Variants in TTC28 observed in about 807,000 individuals in gnomAD.
TTC28 encodes tetratricopeptide repeat protein 28.
A neutral mutation model predicts 198.0 loss-of-function variants in TTC28; 61 were observed. The observed-to-expected ratio is 0.31, with a 90% confidence interval of 0.25 to 0.38. The LOEUF is 0.38. Among genes scored for constraint, TTC28 ranks in the 10% least tolerant of loss-of-function variants. The pLI is 1.00. For synonymous variants in TTC28, 1,171 were observed against 1,297.8 expected, an observed-to-expected ratio of 0.90 and a Z score of 2.10; for missense variants, 2,678 against 3,164.0, an observed-to-expected ratio of 0.85 and a Z score of 3.69.
At chr22:28,559,694 T>C (rs2049840255) in intron 2 of TTC28, among the ~76,000 whole-genome samples, 1 of 152,204 alleles carries the variant, frequency 6.6e-6, no homozygotes, top group Admixed American at 6.5e-5. Context: ...TCTCCTTCAC[T>C]TAGCTTCTAG....
intron 5 of TTC28, among the ~76,000 whole-genome samples, chr22:28,209,347 A>C (rs1926698131): frequency 6.6e-6 from 1 of 152,192 alleles, no homozygotes; most frequent in Admixed American, 6.5e-5. Flanking sequence ...GCATCGCCTC[A>C]CCCAGGAAGC....
intron 1 of TTC28, among the ~76,000 whole-genome samples, chr22:28,635,239 T>C (rs1393620111): frequency 6.6e-6 from 1 of 152,130 alleles, no homozygotes; most frequent in Admixed American, 6.6e-5. Context: ...GAGAATGGCA[T>C]GAACCCGGGA....
At chr22:28,179,165 GTT>G (rs71316832) in intron 5 of TTC28, among the ~76,000 whole-genome samples, 2 of 140,952 alleles carry the variant, frequency 1.4e-5, no homozygotes, top group Non-Finnish European at 1.6e-5. Flanking sequence ...TTTTTGTTTT[GTT>G]TTTTTTTTTT....
At chr22:28,621,856 A>C (rs1026156931) in intron 2 of TTC28, among the ~76,000 whole-genome samples, 1 of 152,188 alleles carries the variant, frequency 6.6e-6, no homozygotes, top group Non-Finnish European at 1.5e-5. Flanking sequence ...AAATATCTTA[A>C]ATGTATGAGA....
chr22:28,110,928 C>T (rs1942463354), intron 6 of TTC28, among the ~76,000 whole-genome samples: 3 of 147,360 alleles, frequency 2.0e-5, no homozygotes, highest in Admixed American at 2.0e-4. Flanking sequence ...GAGTGAGACC[C>T]TGCCTTTAAA....
chr22:27,989,922 T>C lies in TTC28; in HGVS notation c.5663A>G (p.Gln1888Arg), dbSNP rs1937338421. The change falls in exon 21 of 23, where the codon CAG (glutamine) becomes CGG (arginine). Residue 1888 changes from glutamine to arginine, a missense_variant. Physicochemically the swap from Gln to Arg is conservative, Grantham distance 43. Around this residue, in one of 8 missense-constraint regions of TTC28, gnomAD observed 314 missense variants for 442.7 expected, o/e 0.71. Coordinates refer to ENST00000397906, the MANE Select transcript of TTC28 (RefSeq NM_001145418.2). ...SAPIQVSISVQLWRLPGCHEF... is the reference protein window; with the variant it reads ...SAPIQVSISVRLWRLPGCHEF... ...GTGGCATCCCGGGAGCCGCCACAGCTGGACGCTGATGGAGACCTGAATGGG... is the reference window on the plus strand; with the variant it reads ...GTGGCATCCCGGGAGCCGCCACAGCCGGACGCTGATGGAGACCTGAATGGG... The C allele has an allele frequency of 6.4e-7, 1 of 1,551,310 alleles. No homozygotes were observed. Among genetic ancestry groups the C allele is most frequent in the South Asian group, 1.2e-5 (1 of 84,054 alleles).
intron 12 of TTC28, among the ~76,000 whole-genome samples, chr22:28,087,092 A>G (rs1170492111): frequency 6.6e-6 from 1 of 152,160 alleles, no homozygotes; most frequent in Non-Finnish European, 1.5e-5. Flanking sequence ...ACAAGGAGGA[A>G]CTGGTACCAT....
chr22:28,252,332 T>G lies in TTC28; in HGVS notation c.933+43866A>C, dbSNP rs184125481. On this transcript the variant is annotated intron_variant, in intron 5 of 22. Transcript: ENST00000397906. ...ACCTGACACACCTGTTATTCTCTAT[T>G]CCAACTACTGAAATGTGCTCAGCAG... is the stretch of plus-strand genomic sequence containing the variant. Among the ~76,000 whole-genome samples the G allele has an allele frequency of 1.4e-3, 209 of 152,314 alleles. 3 individuals carry two copies. The highest frequency in any genetic ancestry group is 0.013 in the Admixed American group (205 of 15,300).
chr22:28,309,443 C>A (rs1601609890), intron 2 of TTC28, among the ~76,000 whole-genome samples: 1 of 152,290 alleles, frequency 6.6e-6, no homozygotes, highest in South Asian at 2.1e-4. Context: ...GAGATAACAG[C>A]CACCCATAGG....
At chr22:28,256,177 T>G (rs909448783) in intron 5 of TTC28, among the ~76,000 whole-genome samples, 3 of 151,276 alleles carry the variant, frequency 2.0e-5, no homozygotes, top group Admixed American at 2.0e-4. Context: ...ATCCCAGCAC[T>G]TTGGGAGGCT....
chr22:28,370,706 A>C (rs1411679533), intron 2 of TTC28, among the ~76,000 whole-genome samples: 1 of 152,204 alleles, frequency 6.6e-6, no homozygotes, highest in Non-Finnish European at 1.5e-5. Context: ...AGTGAAAGAG[A>C]GTAGTAGAGA....
chr22:28,002,945 G>C (rs987664483), intron 14 of TTC28, among the ~76,000 whole-genome samples: 4 of 152,168 alleles, frequency 2.6e-5, no homozygotes, highest in Admixed American at 1.3e-4. Flanking sequence ...GATTATACCA[G>C]TGTACTCCAG....
intron 5 of TTC28, among the ~76,000 whole-genome samples, chr22:28,193,258 G>A (rs941131788): frequency 6.6e-6 from 1 of 152,146 alleles, no homozygotes; most frequent in Non-Finnish European, 1.5e-5. Context: ...TCACCAGCAG[G>A]CCTGCCTTAC....
chr22:28,134,527 T>C (rs1436193434), intron 6 of TTC28, among the ~76,000 whole-genome samples: 1 of 152,138 alleles, frequency 6.6e-6, no homozygotes, highest in Non-Finnish European at 1.5e-5. Context: ...CTGAAAACCA[T>C]GGCATGAGAA....
chr22:28,600,492 A>G (rs1418265343), intron 2 of TTC28, among the ~76,000 whole-genome samples: 1 of 152,230 alleles, frequency 6.6e-6, no homozygotes, highest in Non-Finnish European at 1.5e-5. Flanking sequence ...AGAGCATGCA[A>G]AAGTAAGTGT....
At chr22:28,111,398 T>C (rs17407024) in intron 6 of TTC28, among the ~76,000 whole-genome samples, 9,021 of 152,276 alleles carry the variant, frequency 0.059, 379 homozygotes, top group South Asian at 0.091. Flanking sequence ...ACAACCCTCT[T>C]AATGCTAAAA....
chr22:28,673,388 C>T (rs11912717), intron 1 of TTC28, among the ~76,000 whole-genome samples: 8,395 of 151,980 alleles, frequency 0.055, 349 homozygotes, highest in African/African-American at 0.12. Flanking sequence ...AAGTTAACTG[C>T]GAATGTTAAA....
chr22:28,423,010 A>C (rs749047217), intron 2 of TTC28, among the ~76,000 whole-genome samples: 9 of 152,206 alleles, frequency 5.9e-5, no homozygotes, highest in Non-Finnish European at 1.3e-4. Flanking sequence ...AAATACAGAT[A>C]ATACATACCA....
intron 2 of TTC28, among the ~76,000 whole-genome samples, chr22:28,529,818 C>A (rs2049092759): frequency 6.6e-6 from 1 of 152,162 alleles, no homozygotes; most frequent in South Asian, 2.1e-4. Context: ...CCAGCAAACT[C>A]CAGCAGACCT....
Sources: gnomAD v4.1 joint callset for allele counts (sites outside exome capture counted in the v4.1 genomes callset) on GRCh38, gnomAD v4.1.1 for gene constraint, gnomAD v4.1.1 regional missense constraint, MANE v1.5 for transcripts, NCBI Gene and HGNC (gene_info 2026-07-23, HGNC 2026-07-21) for gene names.